The following HTATSF1 variants were observed in gnomAD, a reference collection of about 807,000 sequenced individuals.
The protein encoded by HTATSF1 is 17S U2 SnRNP complex component HTATSF1.
In HTATSF1, 6 loss-of-function variants were observed where a neutral mutation model predicts 46.1. That is an observed-to-expected ratio of 0.13 (90% CI 0.07 to 0.26). The LOEUF is 0.26. Ranked by LOEUF, HTATSF1 falls within the 10% of genes least tolerant of loss-of-function variation. The pLI is 1.00. For synonymous variants in HTATSF1, 226 were observed against 211.5 expected (o/e 1.07, Z -0.60); for missense variants, 452 against 559.9 (o/e 0.81, Z 1.94).
At chrX:136,510,372 TCCTC>T (rs1314466765) in intron 8 of HTATSF1, among the ~76,000 whole-genome samples, 153 bp downstream of exon 8, 1 of 112,941 alleles carries the variant, frequency 8.9e-6, no homozygotes, top group Non-Finnish European at 1.9e-5. Flanking sequence ...TTTTTACTCT[TCCTC>T]TTAATTATTT....
chrX:136,510,012 T>A, intron 7 of HTATSF1, 70 bp from the exon 8 acceptor site: 20 of 1,016,628 alleles, frequency 2.0e-5, no homozygotes, highest in Non-Finnish European at 2.7e-5. Context: ...ACTTACCTAC[T>A]TTGTGAAATG....
chrX:136,499,419 A>T (rs2075707236), intron 1 of HTATSF1, among the ~76,000 whole-genome samples, 179 bp from the exon 2 acceptor site: 1 of 112,607 alleles, frequency 8.9e-6, no homozygotes, highest in Non-Finnish European at 1.9e-5. Flanking sequence ...CACCGTATGC[A>T]CAATTTTCTA....
intron 3 of HTATSF1, 61 bp downstream of exon 3, chrX:136,500,266 G>C: frequency 1.3e-6 from 1 of 768,972 alleles, no homozygotes; most frequent in Non-Finnish European, 1.9e-6. Flanking sequence ...GATTTTTCAC[G>C]AAGTGATTTT....
intron 4 of HTATSF1, 115 bp downstream of exon 4, chrX:136,500,933 G>A: frequency 2.2e-6 from 1 of 446,715 alleles, no homozygotes; most frequent in Non-Finnish European, 3.6e-6. Flanking sequence ...AGGATATGAA[G>A]AAAACTGAAA....
In HTATSF1 at chrX:136,499,589, C is replaced by T; in HGVS notation, c.187-9C>T. On this transcript the variant is annotated splice_polypyrimidine_tract_variant and intron_variant, in intron 1 of 8. Coordinates refer to ENST00000218364, the MANE Select transcript of HTATSF1 (RefSeq NM_014500.5). The stretch of plus-strand genomic sequence containing the variant: ...TTCTCTGTCCGGGTCTGTTGAATTG[C>T]TTGTGTAGATTACTGAAGATTTCAT... 8.7e-7 allele frequency: 1 copy of T among 1,151,003 alleles called. No individual in the cohort carries two copies. Among genetic ancestry groups the T allele is most frequent in the Non-Finnish European group, 1.2e-6 (1 of 866,930 alleles). The allele number at this position is 1,151,003 out of a possible 1,213,427, so 94.9% of individuals were successfully genotyped here. A position where few individuals can be genotyped will look rare whatever the true frequency, so the allele number is the denominator to read the frequency against.
At position 136,511,869 on chromosome X, in the gene HTATSF1, TGAG is replaced by T. The variant is rs778008244; in HGVS notation, c.2130_2132del (p.Glu711del). On this transcript the variant is annotated inframe_deletion, in exon 9 of 9. Coordinates refer to ENST00000218364, the MANE Select transcript of HTATSF1 (RefSeq NM_014500.5). The stretch of plus-strand genomic sequence containing the variant: ...ATGATTCCAATGAGAAGTTGTTTGA[TGAG>T]GAGGAAGATTCCAGTGAGAAGTTGT... 12 of 1,209,745 alleles carry T rather than the reference TGAG, an allele frequency of 9.9e-6. No individual in the cohort carries two copies. The highest frequency in any genetic ancestry group is 2.2e-5 in the Admixed American group (1 of 45,746).
In HTATSF1 at chrX:136,499,776, C is replaced by T; in HGVS notation, c.365C>T (p.Ser122Leu). Residue 122 changes from serine (S) to leucine (L), a missense_variant and splice_region_variant, in exon 2 of 9, where the codon TCA becomes TTA. Physicochemically the swap from Ser to Leu is moderately radical, Grantham distance 145. Transcript: ENST00000218364. ...RKKGEKRKAE[S>L]GWFHVEEDRN... Reference sequence around the variant, plus strand: ...AAGGGAGAAAAAAGAAAGGCTGAGTCAGGTAAGTGGTTCTAGCTTACAAAT... The same window carrying T: ...AAGGGAGAAAAAAGAAAGGCTGAGTTAGGTAAGTGGTTCTAGCTTACAAAT... 1 of 1,165,787 alleles carries T rather than the reference C, an allele frequency of 8.6e-7. No homozygotes were observed. Among genetic ancestry groups the T allele is most frequent in the Non-Finnish European group, 1.1e-6 (1 of 877,681 alleles).
chrX:136,510,201 T>C lies in HTATSF1; in HGVS notation c.1044T>C (p.Asp348=), dbSNP rs768810617. 8.3e-7 allele frequency: 1 copy of C among 1,211,060 alleles called. No homozygotes were observed. Among genetic ancestry groups the C allele is most frequent in the Non-Finnish European group, 1.1e-6 (1 of 894,932 alleles). The change falls in exon 8 of 9, where the codon GAT becomes GAC. Residue 348 remains aspartate (D), a synonymous_variant. Transcript: ENST00000218364. Reference sequence around the variant, plus strand: ...GTCAAATCACTGCCCAGGCATGGGATGGGACTACAGATTATCAGGTAAATT... The same window carrying C: ...GTCAAATCACTGCCCAGGCATGGGACGGGACTACAGATTATCAGGTAAATT... ...GGRQITAQAW[D]GTTDYQVEET...
chrX:136,510,542 T>C (rs2075762489), intron 8 of HTATSF1, among the ~76,000 whole-genome samples: 1 of 112,276 alleles, frequency 8.9e-6, no homozygotes, highest in African/African-American at 3.2e-5. Flanking sequence ...TGCTGTAAAG[T>C]ATAGACAGAG....
rs1249341368 is a variant in HTATSF1, at chrX:136,500,330, A to T, written c.415+125A>T. 1.5e-5 allele frequency: 8 copies of T among 528,015 alleles called. No individual in the cohort carries two copies. The South Asian group carries it at 1.9e-4, about 13-fold the overall frequency. 43.5% of individuals were successfully genotyped at this position (528,015 alleles called of 1,213,427 possible). A position where few individuals can be genotyped will look rare whatever the true frequency, so the allele number is the denominator to read the frequency against. On this transcript the variant is annotated intron_variant, in intron 3 of 8. Transcript: ENST00000218364. ...TTTATCATTGTGTCATTTTTTGTTC[A>T]GCCATTTATATTAGTAAGGAATATG...
Position 136,499,648 on chromosome X carries a change from C to T in HTATSF1, c.237C>T (p.Asn79=), listed in dbSNP as rs748132961. ...ATYQANYGFS[N]DGASSSTANV... is the part of the protein sequence containing the mutation. ...ATCAGGCCAATTATGGCTTCTCTAA[C>T]GATGGCGCATCTAGTTCTACCGCAA... is the stretch of plus-strand genomic sequence containing the variant. Residue 79 remains asparagine, a synonymous_variant, in exon 2 of 9, where the codon AAC becomes AAT. Coordinates refer to ENST00000218364, the MANE Select transcript of HTATSF1 (RefSeq NM_014500.5). The T allele has an allele frequency of 2.7e-5, 32 of 1,196,462 alleles. No individual in the cohort carries two copies. The highest frequency in any genetic ancestry group is 1.2e-4 in the African/African-American group (7 of 56,464).
intron 6 of HTATSF1, 55 bp from the exon 7 acceptor site, chrX:136,509,036 A>G (rs2075755657): frequency 1.2e-6 from 1 of 825,874 alleles, no homozygotes; most frequent in African/African-American, 2.0e-5. Flanking sequence ...TTGGATTCTC[A>G]GGATTTATAG....
chrX:136,499,887 G>GT (rs1382502771), intron 2 of HTATSF1, 109 bp downstream of exon 2: 12 of 614,746 alleles, frequency 2.0e-5, no homozygotes, highest in Non-Finnish European at 2.9e-5. Flanking sequence ...AATAAGGTGA[G>GT]TTTTTTCTTT....
rs756258693 is a variant in HTATSF1 at position 136,511,546 on chromosome X, G to A, written c.1801G>A (p.Glu601Lys). The change falls in exon 9 of 9, where the codon GAA (glutamate) becomes AAA (lysine). Residue 601 changes from glutamate (E) to lysine (K), a missense_variant. By Grantham distance (56) the Glu-to-Lys change is moderately conservative. Around this residue, in one of 3 missense-constraint regions of HTATSF1, gnomAD observed 246 missense variants for 245.3 expected, o/e 1.00. Coordinates refer to ENST00000218364, the MANE Select transcript of HTATSF1 (RefSeq NM_014500.5). Reference protein sequence around the residue: ...ELEENDSENSEFEDDGSEKVL... With the variant: ...ELEENDSENSKFEDDGSEKVL... ...AGAAGAAAATGACTCTGAAAACTCC[G>A]AATTTGAAGATGACGGCTCTGAAAA... is the stretch of plus-strand genomic sequence containing the variant. The A allele has an allele frequency of 1.5e-5, 18 of 1,210,957 alleles. No individual in the cohort carries two copies. Among genetic ancestry groups the A allele is most frequent in the South Asian group, 8.8e-5 (5 of 56,695 alleles).
chrX:136,506,543 T>G (rs2075743111), intron 6 of HTATSF1, among the ~76,000 whole-genome samples: 1 of 112,499 alleles, frequency 8.9e-6, no homozygotes, highest in Admixed American at 9.4e-5. Context: ...AATTGCTAAA[T>G]GAAACCCTTG....
intron 3 of HTATSF1, 26 bp from the exon 4 acceptor site, chrX:136,500,637 TG>T: frequency 1.0e-6 from 1 of 980,293 alleles, no homozygotes; most frequent in Non-Finnish European, 1.4e-6. Context: ...CAATTATAAA[TG>T]TTTTTTAATT....
In HTATSF1 at chrX:136,511,787, ATGAAGATGCAGATGGAAAGGAAGT is replaced by A. The variant is rs1178914489; in HGVS notation, c.2052_2075del (p.Gly686_Asp693del). The A allele has an allele frequency of 3.3e-6, 4 of 1,210,256 alleles. No homozygotes were observed. Among genetic ancestry groups the A allele is most frequent in the African/African-American group, 1.7e-5 (1 of 57,259 alleles). The stretch of plus-strand genomic sequence containing the variant: ...TTTGAAGAGTCAGATGACAAGGAAG[ATGAAGATGCAGATGGAAAGGAAGT>A]TGAAGATGCTGACGAAAAGTTGTTC... On this transcript the variant is annotated inframe_deletion, in exon 9 of 9. Transcript: ENST00000218364.
chrX:136,509,010 T>A, intron 6 of HTATSF1, 81 bp from the exon 7 acceptor site: 1 of 692,190 alleles, frequency 1.4e-6, no homozygotes, highest in Admixed American at 2.6e-5. Flanking sequence ...GTTTGTTGAT[T>A]TATCAGAACA....
In HTATSF1 at chrX:136,511,280, G is replaced by A. The variant is rs778023349; in HGVS notation, c.1535G>A (p.Cys512Tyr). ...ESKKKTLKND[C>Y]EENGLAKESE... ...AAAAAGAAGACACTCAAAAATGATT[G>A]TGAAGAGAATGGCCTTGCAAAGGAA... Residue 512 changes from cysteine to tyrosine, a missense_variant, in exon 9 of 9, where the codon TGT becomes TAT. Transcript: ENST00000218364. 9 of 1,208,826 alleles carry A rather than the reference G, an allele frequency of 7.4e-6. No homozygotes were observed. The South Asian group carries it at 1.6e-4, about 22-fold the overall frequency.
Sources: gnomAD v4.1 joint callset for allele counts (sites outside exome capture counted in the v4.1 genomes callset) on GRCh38, gnomAD v4.1.1 for gene constraint, gnomAD v4.1.1 regional missense constraint, MANE v1.5 for transcripts, NCBI Gene and HGNC (gene_info 2026-07-23, HGNC 2026-07-21) for gene names.